Variants in MYH15 observed in about 807,000 individuals in gnomAD.
MYH15 encodes the protein myosin heavy chain 15, also known as myosin-15.
A neutral mutation model predicts 240.5 loss-of-function variants in MYH15; 227 were observed. That is an observed-to-expected ratio of 0.94 (90% CI 0.85 to 1.05). The LOEUF (loss-of-function observed/expected upper bound fraction) is 1.05. MYH15 is among the 50% of genes least tolerant of loss of function. The pLI is 0.00. For missense variants in MYH15, 2,217 were observed against 2,247.5 expected, an observed-to-expected ratio of 0.99 and a Z score of 0.27; for synonymous variants, 785 against 796.7, an observed-to-expected ratio of 0.99 and a Z score of 0.25.
At chr3:108,449,775 T>G (rs1455519568) in intron 21 of MYH15, among the ~76,000 whole-genome samples, 1 of 151,700 alleles carries the variant, frequency 6.6e-6, no homozygotes, top group Non-Finnish European at 1.5e-5. Flanking sequence ...AAAGAAACTA[T>G]AAACAAGGAG....
chr3:108,486,365 T>C, intron 10 of MYH15, 58 bp downstream of exon 10: 1 of 1,403,958 alleles, frequency 7.1e-7, no homozygotes, highest in Non-Finnish European at 1.0e-6. Context: ...TCTAAGATTC[T>C]GTCTTTCATT....
intron 33 of MYH15, among the ~76,000 whole-genome samples, chr3:108,403,746 C>A (rs1272464583): frequency 6.6e-6 from 1 of 152,066 alleles, no homozygotes; most frequent in African/African-American, 2.4e-5. Flanking sequence ...TGCCTCCAGT[C>A]CACCCCTTCT....
intron 21 of MYH15, among the ~76,000 whole-genome samples, chr3:108,451,100 C>T (rs1006299490): frequency 1.3e-5 from 2 of 152,154 alleles, no homozygotes; most frequent in Non-Finnish European, 1.5e-5. Flanking sequence ...AATAATAAGG[C>T]CAGGTACAGT....
chr3:108,454,625 T>G (rs536562152), intron 20 of MYH15, among the ~76,000 whole-genome samples: 97 of 152,254 alleles, frequency 6.4e-4, no homozygotes, highest in African/African-American at 2.2e-3. Flanking sequence ...GGCCATATAT[T>G]AAAAAAACAG....
chr3:108,526,542 G>T (rs1374920755), intron 1 of MYH15, among the ~76,000 whole-genome samples: 1 of 152,152 alleles, frequency 6.6e-6, no homozygotes, highest in Admixed American at 6.6e-5. Flanking sequence ...GGGAGCTTGT[G>T]CTCTAGAGCA....
chr3:108,478,780 G>A (rs9288875), intron 11 of MYH15, among the ~76,000 whole-genome samples: 31,669 of 152,078 alleles, frequency 0.21, 4,291 homozygotes, highest in Non-Finnish European at 0.3. Flanking sequence ...TCCCCATGCC[G>A]AGTCTTCATA....
intron 21 of MYH15, among the ~76,000 whole-genome samples, chr3:108,445,170 T>C (rs1011417747): frequency 7.2e-5 from 11 of 152,148 alleles, no homozygotes; most frequent in Admixed American, 3.9e-4. Context: ...GTAAGACATA[T>C]AGAAGGCACC....
At chr3:108,408,238 C>A in intron 32 of MYH15, 42 bp downstream of exon 32, 1 of 1,585,710 alleles carries the variant, frequency 6.3e-7, no homozygotes, top group South Asian at 1.2e-5. Context: ...GATCTTCTGC[C>A]TTGTCACAGT....
At chr3:108,549,444 T>C in the MYH15 span, among the ~76,000 whole-genome samples, 2 of 151,818 alleles carry the variant, frequency 1.3e-5, no homozygotes, top group East Asian at 1.9e-4. Flanking sequence ...CTTTCTTCTT[T>C]AGGGAGAGAA....
chr3:108,448,923 AT>A (rs572054003), intron 21 of MYH15, among the ~76,000 whole-genome samples: 119 of 152,128 alleles, frequency 7.8e-4, no homozygotes, highest in Non-Finnish European at 1.4e-3. Flanking sequence ...GGATAAAAAA[AT>A]CAACATAAAA....
intron 11 of MYH15, among the ~76,000 whole-genome samples, chr3:108,481,226 T>C (rs1180068602): frequency 1.3e-5 from 2 of 152,226 alleles, no homozygotes; most frequent in African/African-American, 4.8e-5. Context: ...TAAAAAGTTA[T>C]ATGTGCATAT....
intron 12 of MYH15, among the ~76,000 whole-genome samples, chr3:108,471,359 TCC>T (rs887573075): frequency 6.6e-6 from 1 of 152,110 alleles, no homozygotes; most frequent in African/African-American, 2.4e-5. Context: ...TCAGGCCCAG[TCC>T]CAGACCTACT....
intron 14 of MYH15, among the ~76,000 whole-genome samples, chr3:108,467,679 T>A (rs1325929171): frequency 1.3e-5 from 2 of 152,236 alleles, no homozygotes; most frequent in Admixed American, 1.3e-4. Context: ...AGTTTTTAAA[T>A]GTATAACTTG....
intron 36 of MYH15, among the ~76,000 whole-genome samples, chr3:108,393,250 C>T (rs140909124): frequency 2.0e-5 from 3 of 152,136 alleles, no homozygotes; most frequent in Non-Finnish European, 4.4e-5. Flanking sequence ...CACAAAAGCT[C>T]TTGATGGAGA....
intron 35 of MYH15, among the ~76,000 whole-genome samples, chr3:108,396,749 T>C (rs1224824067): frequency 6.6e-6 from 1 of 152,262 alleles, no homozygotes; most frequent in Admixed American, 6.5e-5. Context: ...TACAGACTAT[T>C]TGTTCTATAC....
At chr3:108,508,101 A>G (rs2083492097) in intron 1 of MYH15, among the ~76,000 whole-genome samples, 1 of 152,158 alleles carries the variant, frequency 6.6e-6, no homozygotes, top group Non-Finnish European at 1.5e-5. Flanking sequence ...ATGACTCTAG[A>G]AATGAGATCA....
chr3:108,437,437 C>T, intron 25 of MYH15, 117 bp downstream of exon 25: 3 of 1,323,906 alleles, frequency 2.3e-6, no homozygotes, highest in African/African-American at 1.5e-5. Flanking sequence ...GCTTGTTATC[C>T]TTGCCTTGGG....
At chr3:108,475,290 A>T (rs2083211067) in intron 12 of MYH15, among the ~76,000 whole-genome samples, 1 of 152,110 alleles carries the variant, frequency 6.6e-6, no homozygotes, top group South Asian at 2.1e-4. Context: ...CAGTTTCCTC[A>T]ACTAGGAAAA....
intron 25 of MYH15, among the ~76,000 whole-genome samples, chr3:108,432,283 T>C (rs1331660348): frequency 6.6e-6 from 1 of 152,082 alleles, no homozygotes; most frequent in Admixed American, 6.5e-5. Flanking sequence ...GGTCTCTAAG[T>C]CCTGAGCTCA....
Sources: allele counts gnomAD v4.1 joint callset (sites outside exome capture counted in the v4.1 genomes callset), GRCh38; gene constraint gnomAD v4.1.1; transcripts MANE v1.5; gene names NCBI Gene and HGNC (gene_info 2026-07-23, HGNC 2026-07-21).